The following HAPLN1 variants were observed in gnomAD, a reference collection of about 807,000 sequenced individuals.
The protein encoded by HAPLN1 is hyaluronan and proteoglycan link protein 1, also known as Cartilage link protein.
Under a neutral mutation model 36.5 loss-of-function variants are expected in HAPLN1, and 13 were observed. The ratio of observed to expected loss-of-function variants is 0.36; its 90% confidence interval spans 0.23 to 0.57. The LOEUF (loss-of-function observed/expected upper bound fraction) is 0.57, where lower values mean the gene tolerates loss of function less well. Ranked by LOEUF, HAPLN1 falls within the 20% of genes least tolerant of loss-of-function variation. The probability of loss-of-function intolerance (pLI) is 0.83; values close to 1 mark genes in which losing one functional copy is unlikely to be tolerated. For missense variants in HAPLN1, 407 were observed against 439.7 expected (o/e 0.93, Z 0.66); for synonymous variants, 202 against 169.8 (o/e 1.19, Z -1.48).
At position 83,641,779 on chromosome 5, in the gene HAPLN1, A is replaced by C; in HGVS notation, c.782T>G (p.Phe261Cys). The change falls in exon 5 of 5, where the codon TTT becomes TGT. Residue 261 changes from phenylalanine to cysteine, a missense_variant. Phe to Cys is a radical substitution (Grantham distance 205). Transcript: ENST00000274341. Reference sequence around the variant, plus strand: ...TTTGGTGGGGTGGATCAGATAGTAAAAACGGCCTGTAGAGAAAAGGAGACA... The same window carrying C: ...TTTGGTGGGGTGGATCAGATAGTAACAACGGCCTGTAGAGAAAAGGAGACA... Reference protein sequence around the residue: ...FCFTSNFNGRFYYLIHPTKLT... With the variant: ...FCFTSNFNGRCYYLIHPTKLT... 6.2e-7 allele frequency: 1 copy of C among 1,613,366 alleles called. No individual in the cohort carries two copies. The highest frequency in any genetic ancestry group is 8.5e-7 in the Non-Finnish European group (1 of 1,179,422).
chr5:83,642,052 G>T (rs1490229899), intron 4 of HAPLN1, among the ~76,000 whole-genome samples: 1 of 152,120 alleles, frequency 6.6e-6, no homozygotes, highest in Middle Eastern at 3.2e-3. Context: ...TGCAGTTTCT[G>T]TTAGCTAATT....
chr5:83,686,377 T>A (rs868094938), intron 1 of HAPLN1, among the ~76,000 whole-genome samples: 23 of 152,108 alleles, frequency 1.5e-4, no homozygotes, highest in African/African-American at 5.6e-4. Flanking sequence ...TCAAATAGAA[T>A]CAGTTCTAGT....
chr5:83,674,395 A>G (rs1000558216), intron 1 of HAPLN1: 2 of 152,208 alleles, frequency 1.3e-5, no homozygotes, highest in Admixed American at 1.3e-4. Context: ...ATCTGGTCCT[A>G]AGTGAAAAAG....
intron 1 of HAPLN1, among the ~76,000 whole-genome samples, chr5:83,676,988 A>C (rs932030608): frequency 1.3e-5 from 2 of 152,216 alleles, no homozygotes; most frequent in Admixed American, 6.5e-5. Context: ...AATGTGAAAG[A>C]GTAATAGTTT....
At chr5:83,678,216 TTTGG>T (rs924283887) in intron 1 of HAPLN1, among the ~76,000 whole-genome samples, 1 of 103,322 alleles carries the variant, frequency 9.7e-6, no homozygotes, top group African/African-American at 4.1e-5. Context: ...TTATCTATAG[TTTGG>T]GTGTGTGTGT....
chr5:83,674,149 T>C (rs1750799516), intron 1 of HAPLN1: 1 of 152,624 alleles, frequency 6.6e-6, no homozygotes. Flanking sequence ...ACATACTGCT[T>C]GGGTCTACGG....
intron 1 of HAPLN1, among the ~76,000 whole-genome samples, chr5:83,714,735 C>T (rs1251390389): frequency 6.6e-6 from 1 of 152,216 alleles, no homozygotes; most frequent in African/African-American, 2.4e-5. Context: ...TCACTGCTCC[C>T]TCCCACTAAA....
At chr5:83,643,883 C>T (rs1749775384) in intron 4 of HAPLN1, among the ~76,000 whole-genome samples, 1 of 152,228 alleles carries the variant, frequency 6.6e-6, no homozygotes, top group African/African-American at 2.4e-5. Context: ...TCTGCTTTCA[C>T]CTTGAGAGTT....
intron 2 of HAPLN1, among the ~76,000 whole-genome samples, chr5:83,657,066 T>C (rs1265069593): frequency 6.6e-6 from 1 of 151,938 alleles, no homozygotes; most frequent in African/African-American, 2.4e-5. Flanking sequence ...AAGGGTGCTA[T>C]GGATCAAAGT....
intron 1 of HAPLN1, among the ~76,000 whole-genome samples, chr5:83,688,748 A>G (rs1751201320): frequency 6.6e-6 from 1 of 150,604 alleles, no homozygotes; most frequent in South Asian, 2.1e-4. Flanking sequence ...AGAAGAGACA[A>G]TAACTCTAGA....
Position 83,673,635 on chromosome 5 carries a change from T to C in HAPLN1, c.-26-86A>G. ...TGCACAACTTATTACCGCCTTATCA[T>C]CATAGAATGGGTCTGTAAAAATATT... On this transcript the variant is annotated intron_variant, in intron 1 of 4. Coordinates refer to ENST00000274341, the MANE Select transcript of HAPLN1 (RefSeq NM_001884.4). 3 of 749,120 alleles carry C rather than the reference T, an allele frequency of 4.0e-6. No homozygotes were observed. In the South Asian group the frequency reaches 4.8e-5, roughly 12 times the overall value. 46.4% of individuals were successfully genotyped at this position (749,120 alleles called of 1,614,324 possible).
At chr5:83,712,690 G>A (rs949375047) in intron 1 of HAPLN1, among the ~76,000 whole-genome samples, 2 of 151,910 alleles carry the variant, frequency 1.3e-5, no homozygotes, top group African/African-American at 4.8e-5. Flanking sequence ...CTTTAAGTAG[G>A]GGATAGGGTT....
chr5:83,646,527 C>T (rs114937556), intron 3 of HAPLN1, among the ~76,000 whole-genome samples: 2 of 152,198 alleles, frequency 1.3e-5, no homozygotes, highest in Non-Finnish European at 2.9e-5. Flanking sequence ...CGGTAGGACA[C>T]GTTTGTCTCT....
chr5:83,642,257 C>G (rs573684194), intron 4 of HAPLN1, among the ~76,000 whole-genome samples: 1 of 152,238 alleles, frequency 6.6e-6, no homozygotes, highest in Non-Finnish European at 1.5e-5. Context: ...GCCCTCAAGT[C>G]CTTTTCATTA....
chr5:83,684,566 A>G (rs572742530), intron 1 of HAPLN1, among the ~76,000 whole-genome samples: 13 of 152,262 alleles, frequency 8.5e-5, no homozygotes, highest in African/African-American at 2.9e-4. Context: ...TGAAAGACAA[A>G]CAGGAGATAG....
chr5:83,701,926 A>AC lies in HAPLN1; in HGVS notation c.-27+18862_-27+18863insG, dbSNP rs1306450545. On this transcript the variant is annotated intron_variant, in intron 1 of 4. Transcript: ENST00000274341. ...GGGCGACAGAGCGAGACTTCGACAA[A>AC]AACACACACACACACACACACACAC... Among the ~76,000 whole-genome samples, 453 of 97,298 alleles carry AC rather than the reference A, an allele frequency of 4.7e-3. 1 individual carries two copies. Among genetic ancestry groups the AC allele is most frequent in the African/African-American group, 0.014 (410 of 28,944 alleles). The allele number at this position is 97,298 out of a possible 152,430, so 63.8% of individuals were successfully genotyped here.
Position 83,652,972 on chromosome 5 carries a change from A to G in HAPLN1, c.101-148T>C, listed in dbSNP as rs116714072. The G allele has an allele frequency of 4.8e-4, 352 of 731,614 alleles. 3 individuals carry two copies. The African/African-American group carries it at 5.6e-3, about 12-fold the overall frequency. 45.3% of individuals were successfully genotyped at this position (731,614 alleles called of 1,614,324 possible). A position where few individuals can be genotyped will look rare whatever the true frequency, so the allele number is the denominator to read the frequency against. ...CTCTACGTAATCTCTTTTGAACCAT[A>G]TAGAAAGGGACCTCTAATAACTAGA... On this transcript the variant is annotated intron_variant, in intron 2 of 4. Transcript: ENST00000274341.
At chr5:83,703,159 G>A (rs912443454) in intron 1 of HAPLN1, among the ~76,000 whole-genome samples, 11 of 152,204 alleles carry the variant, frequency 7.2e-5, no homozygotes, top group East Asian at 1.9e-4. Flanking sequence ...CCCCATTTGC[G>A]TTAACTCCAT....
At chr5:83,673,736 C>G (rs1257827397) in intron 1 of HAPLN1, 187 bp from the exon 2 acceptor site, 1 of 512,716 alleles carries the variant, frequency 2.0e-6, no homozygotes, top group Non-Finnish European at 3.4e-6. Flanking sequence ...ATTCCTGCTA[C>G]CATCATGTAG....
Sources: allele counts gnomAD v4.1 joint callset (sites outside exome capture counted in the v4.1 genomes callset), GRCh38; gene constraint gnomAD v4.1.1; transcripts MANE v1.5; gene names NCBI Gene and HGNC (gene_info 2026-07-23, HGNC 2026-07-21).